The following EGFLAM variants were observed in gnomAD, a reference collection of about 807,000 sequenced individuals.
EGFLAM encodes the protein EGF like, fibronectin type III and laminin G domains.
A neutral mutation model predicts 113.1 loss-of-function variants in EGFLAM; 79 were observed. That is an observed-to-expected ratio of 0.70 (90% CI 0.58 to 0.84). EGFLAM has a LOEUF of 0.84. Among genes scored for constraint, EGFLAM ranks in the 40% least tolerant of loss-of-function variants. The pLI, the probability that EGFLAM is intolerant of heterozygous loss-of-function variation, is 0.00. For synonymous variants in EGFLAM, 504 were observed against 487.6 expected, an observed-to-expected ratio of 1.03 and a Z score of -0.44; for missense variants, 1,265 against 1,291.6, an observed-to-expected ratio of 0.98 and a Z score of 0.32.
chr5:38,423,903 T>C (rs1191223082), intron 12 of EGFLAM, among the ~76,000 whole-genome samples: 4 of 152,120 alleles, frequency 2.6e-5, no homozygotes, highest in Non-Finnish European at 5.9e-5. Context: ...ACTGGACCAA[T>C]TCAAGGAGGG....
chr5:38,353,942 T>C (rs2561107), intron 5 of EGFLAM, among the ~76,000 whole-genome samples: 101,273 of 151,976 alleles, frequency 0.67, 33,903 homozygotes, highest in Non-Finnish European at 0.7. Context: ...AGCTGAAGTC[T>C]CTTTCCATCC....
intron 3 of EGFLAM, 120 bp downstream of exon 3, chr5:38,338,901 C>T: frequency 1.2e-6 from 1 of 810,166 alleles, no homozygotes. Context: ...TGTAATAGTC[C>T]TTTAGGATTT....
intron 3 of EGFLAM, among the ~76,000 whole-genome samples, chr5:38,348,787 T>C (rs1358725191): frequency 6.6e-6 from 1 of 151,902 alleles, no homozygotes; most frequent in Non-Finnish European, 1.5e-5. Context: ...TGGTAGATAC[T>C]GGATCTAGGG....
At chr5:38,384,351 G>A (rs367699265) in intron 6 of EGFLAM, among the ~76,000 whole-genome samples, 15 of 152,078 alleles carry the variant, frequency 9.9e-5, no homozygotes, top group East Asian at 9.7e-4. Context: ...TGATCCTTGC[G>A]CTTCCTGTCC....
At chr5:38,388,105 A>G (rs1468563270) in intron 6 of EGFLAM, among the ~76,000 whole-genome samples, 1 of 152,228 alleles carries the variant, frequency 6.6e-6, no homozygotes, top group African/African-American at 2.4e-5. Context: ...TAAATCATGG[A>G]TATTCATTTC....
At chr5:38,294,446 A>G (rs1047678310) in intron 1 of EGFLAM, among the ~76,000 whole-genome samples, 2 of 152,292 alleles carry the variant, frequency 1.3e-5, no homozygotes, top group African/African-American at 4.8e-5. Flanking sequence ...TGCTCCTTCC[A>G]TTTTGGGGCA....
chr5:38,332,336 G>A (rs1054483858), intron 1 of EGFLAM, among the ~76,000 whole-genome samples: 3 of 151,940 alleles, frequency 2.0e-5, no homozygotes, highest in Non-Finnish European at 4.4e-5. Context: ...TGTTACATAG[G>A]TAAATACATG....
chr5:38,458,267 G>A, intron 19 of EGFLAM, 44 bp from the exon 20 acceptor site: 1 of 1,577,218 alleles, frequency 6.3e-7, no homozygotes, highest in Non-Finnish European at 8.7e-7. Flanking sequence ...TTATGCCTCA[G>A]TGTTTTATTC....
chr5:38,280,505 C>A (rs73750664), intron 1 of EGFLAM, among the ~76,000 whole-genome samples: 1 of 152,148 alleles, frequency 6.6e-6, no homozygotes, highest in East Asian at 1.9e-4. Flanking sequence ...CACTTCCCCC[C>A]GATTCCTCTC....
chr5:38,447,332 T>C (rs1313495565), intron 17 of EGFLAM, among the ~76,000 whole-genome samples: 2 of 152,208 alleles, frequency 1.3e-5, no homozygotes, highest in African/African-American at 2.4e-5. Context: ...CCTAGTGCTC[T>C]CTTAACTACG....
intron 18 of EGFLAM, among the ~76,000 whole-genome samples, chr5:38,450,816 C>T (rs1234717540): frequency 7.7e-6 from 1 of 130,234 alleles, no homozygotes; most frequent in Non-Finnish European, 1.5e-5. Flanking sequence ...ACTATCAGGC[C>T]TTGTTCCTTT....
intron 14 of EGFLAM, among the ~76,000 whole-genome samples, chr5:38,429,469 A>C (rs767758116): frequency 7.9e-5 from 12 of 152,226 alleles, no homozygotes; most frequent in Admixed American, 6.5e-5. Context: ...ATCCAGGACC[A>C]CAAGATAATT....
Position 38,458,366 on chromosome 5 carries a change from G to C in EGFLAM, c.2743G>C (p.Gly915Arg). The C allele has an allele frequency of 6.2e-7, 1 of 1,614,040 alleles. No homozygotes were observed. The highest frequency in any genetic ancestry group is 8.5e-7 in the Non-Finnish European group (1 of 1,179,982). Residue 915 changes from glycine to arginine, a missense_variant, in exon 20 of 22, where the codon GGT becomes CGT. Gly to Arg is a moderately radical substitution (Grantham distance 125). Transcript: ENST00000322350. ...SIMVNGSFND[G>R]RWHRVKAVRD... ...CATGGTGAATGGCTCCTTCAACGAT[G>C]GTCGGTGGCACCGAGTTAAGGCCGT...
At chr5:38,456,735 A>G (rs1185469871) in intron 19 of EGFLAM, among the ~76,000 whole-genome samples, 1 of 152,008 alleles carries the variant, frequency 6.6e-6, no homozygotes, top group Non-Finnish European at 1.5e-5. Flanking sequence ...AGTACATGCC[A>G]GTGCTTGTTA....
At chr5:38,279,470 G>A (rs1757964151) in intron 1 of EGFLAM, among the ~76,000 whole-genome samples, 1 of 152,110 alleles carries the variant, frequency 6.6e-6, no homozygotes, top group African/African-American at 2.4e-5. Flanking sequence ...CAACCTAAGA[G>A]TTCATCAACA....
At chr5:38,287,054 C>A (rs1319671148) in intron 1 of EGFLAM, among the ~76,000 whole-genome samples, 2 of 152,204 alleles carry the variant, frequency 1.3e-5, no homozygotes, top group African/African-American at 4.8e-5. Flanking sequence ...ATAACAATAG[C>A]TTTGTATTTG....
chr5:38,341,316 C>T (rs747755747), intron 3 of EGFLAM, among the ~76,000 whole-genome samples: 13 of 152,274 alleles, frequency 8.5e-5, no homozygotes, highest in Non-Finnish European at 1.5e-4. Context: ...ACAACCATGG[C>T]GGAAGGCACC....
intron 1 of EGFLAM, among the ~76,000 whole-genome samples, chr5:38,294,005 G>A (rs770820782): frequency 1.3e-5 from 2 of 152,088 alleles, no homozygotes; most frequent in Non-Finnish European, 2.9e-5. Flanking sequence ...ACCAGCTATT[G>A]CTTTATGGAA....
chr5:38,328,200 C>T (rs1003283946), intron 1 of EGFLAM, among the ~76,000 whole-genome samples: 3 of 152,104 alleles, frequency 2.0e-5, no homozygotes, highest in East Asian at 3.9e-4. Context: ...CAATGTCTTA[C>T]GTGGCCAGAG....
Sources: gnomAD v4.1 joint callset for allele counts (sites outside exome capture counted in the v4.1 genomes callset) on GRCh38, gnomAD v4.1.1 for gene constraint, MANE v1.5 for transcripts, NCBI Gene and HGNC (gene_info 2026-07-23, HGNC 2026-07-21) for gene names.